Variants in NR0B1 observed in about 807,000 individuals in gnomAD.
NR0B1 encodes the protein DSS-AHC critical region on the X chromosome protein 1.
Under a neutral mutation model 23.0 loss-of-function variants are expected in NR0B1, and 3 were observed. The ratio of observed to expected loss-of-function variants is 0.13; its 90% confidence interval spans 0.06 to 0.34. The LOEUF is 0.34. Among genes scored for constraint, NR0B1 ranks in the 10% least tolerant of loss-of-function variants. The pLI, the probability that NR0B1 is intolerant of heterozygous loss-of-function variation, is 1.00. For synonymous variants in NR0B1, 205 were observed against 184.0 expected (o/e 1.11, Z -0.92); for missense variants, 350 against 402.9 (o/e 0.87, Z 1.12).
At position 30,309,274 on chromosome X, in the gene NR0B1, T is replaced by C. The variant is rs777399647; in HGVS notation, c.90A>G (p.Pro30=). The part of the protein sequence containing the change: ...AKQTRAAPEA[P]ETRLVDQCWG... ...AGCACTGATCCACCAGCCGCGTCTC[T>C]GGAGCCTCAGGAGCCGCGCGCGTTT... Residue 30 remains proline, a synonymous_variant, in exon 1 of 2, where the codon CCA becomes CCG. Coordinates refer to ENST00000378970, the MANE Select transcript of NR0B1 (RefSeq NM_000475.5). 2.7e-5 allele frequency: 31 copies of C among 1,162,835 alleles called. No homozygotes were observed. The highest frequency in any genetic ancestry group is 2.4e-4 in the Middle Eastern group (1 of 4,214).
At position 30,308,326 on chromosome X, in the gene NR0B1, C is replaced by A; in HGVS notation, c.1038G>T (p.Pro346=). 8.3e-7 allele frequency: 1 copy of A among 1,211,251 alleles called. No homozygotes were observed. The highest frequency in any genetic ancestry group is 1.1e-6 in the Non-Finnish European group (1 of 894,951). Residue 346 remains proline, a synonymous_variant, in exon 1 of 2, where the codon CCG becomes CCT. Transcript: ENST00000378970. ...CGGAGGGCACCTTCCTGGCCTCCGCCGGCGGTGCCAAATGGTGCTGCAGCG... is the reference window on the plus strand; with the variant it reads ...CGGAGGGCACCTTCCTGGCCTCCGCAGGCGGTGCCAAATGGTGCTGCAGCG... ...VPTLQHHLAP[P]AEARKVPSAS...
chrX:30,305,419 T>C (rs896393166), intron 1 of NR0B1, among the ~76,000 whole-genome samples: 38 of 112,072 alleles, frequency 3.4e-4, no homozygotes, highest in Admixed American at 8.5e-4. Context: ...CATTGCACCA[T>C]GATTTCTGTA....
chrX:30,306,785 C>G (rs1389550786), intron 1 of NR0B1, among the ~76,000 whole-genome samples: 1 of 111,268 alleles, frequency 9.0e-6, no homozygotes, highest in African/African-American at 3.3e-5. Flanking sequence ...TCCAAATAAT[C>G]TTAAGAATCA....
chrX:30,305,744 C>T, intron 1 of NR0B1: 1 of 435,095 alleles, frequency 2.3e-6, no homozygotes, highest in African/African-American at 2.6e-5. Flanking sequence ...TTTGATCTTC[C>T]ATGATGATAA....
intron 1 of NR0B1, chrX:30,305,919 C>T: frequency 2.7e-6 from 1 of 371,557 alleles, no homozygotes; most frequent in East Asian, 4.5e-5. Context: ...GCAGCAGAAC[C>T]AGTGTTCTTT....
Position 30,308,772 on chromosome X carries a change from G to C in NR0B1, c.592C>G (p.Arg198Gly). ...TGGTCTTCACCGCAAAAGCAGCAGC[G>C]GTACAGAAGCGCCGTGGCCCGCCCG... The part of the protein sequence containing the change: ...PGGRATALLY[R>G]CCFCGEDHPQ... The change falls in exon 1 of 2, where the codon CGC becomes GGC. Residue 198 changes from arginine (R) to glycine (G), a missense_variant. By Grantham distance (125) the Arg-to-Gly change is moderately radical. Around this residue, in one of 2 missense-constraint regions of NR0B1, gnomAD observed 298 missense variants for 314.0 expected, o/e 0.95. Coordinates refer to ENST00000378970, the MANE Select transcript of NR0B1 (RefSeq NM_000475.5). 2.5e-6 allele frequency: 3 copies of C among 1,196,168 alleles called. No individual in the cohort carries two copies. Among genetic ancestry groups the C allele is most frequent in the Non-Finnish European group, 3.4e-6 (3 of 887,988 alleles).
chrX:30,307,674 A>G (rs759480688), intron 1 of NR0B1, among the ~76,000 whole-genome samples: 46 of 111,413 alleles, frequency 4.1e-4, no homozygotes, highest in Non-Finnish European at 6.4e-4. Context: ...ATGAAACACT[A>G]CATCTAGTGT....
At position 30,304,742 on chromosome X, in the gene NR0B1, A is replaced by G; in HGVS notation, c.1250T>C (p.Met417Thr). The change falls in exon 2 of 2, where the codon ATG (methionine) becomes ACG (threonine). Residue 417 changes from methionine to threonine, a missense_variant. By Grantham distance (81) the Met-to-Thr change is moderately conservative. Coordinates refer to ENST00000378970, the MANE Select transcript of NR0B1 (RefSeq NM_000475.5). ...TQQILSEHTR[M>T]THQGPHDRFI... ...TCTGTCATGGGGCCCTTGGTGCGTC[A>G]TCCTGGTGTGTTCACTGAGTATTTG... is the stretch of plus-strand genomic sequence containing the variant. The G allele has an allele frequency of 8.3e-7, 1 of 1,211,589 alleles. No individual in the cohort carries two copies. The highest frequency in any genetic ancestry group is 1.1e-6 in the Non-Finnish European group (1 of 895,221).
In NR0B1 at chrX:30,308,350, C is replaced by A; in HGVS notation, c.1014G>T (p.Thr338=). Residue 338 remains threonine, a synonymous_variant, in exon 1 of 2, where the codon ACG becomes ACT. Transcript: ENST00000378970. ...TGGNEPLPVP[T]LQHHLAPPAE... Reference sequence around the variant, plus strand: ...CCGGCGGTGCCAAATGGTGCTGCAGCGTGGGCACGGGCAGTGGCTCGTTGC... The same window carrying A: ...CCGGCGGTGCCAAATGGTGCTGCAGAGTGGGCACGGGCAGTGGCTCGTTGC... 8.3e-7 allele frequency: 1 copy of A among 1,210,117 alleles called. No homozygotes were observed. Among genetic ancestry groups the A allele is most frequent in the Middle Eastern group, 2.3e-4 (1 of 4,344 alleles).
intron 1 of NR0B1, among the ~76,000 whole-genome samples, chrX:30,306,498 T>C (rs1359355047): frequency 8.9e-6 from 1 of 111,871 alleles, no homozygotes; most frequent in African/African-American, 3.3e-5. Context: ...GGTACATTTG[T>C]GTTTCAAACA....
Position 30,308,633 on chromosome X carries a change from C to G in NR0B1, c.731G>C (p.Arg244Pro), listed in dbSNP as rs1926573554. The change falls in exon 1 of 2, where the codon CGG (arginine) becomes CCG (proline). Residue 244 changes from arginine (R) to proline (P), a missense_variant. By Grantham distance (103) the Arg-to-Pro change is moderately radical. Around this residue, in one of 2 missense-constraint regions of NR0B1, gnomAD observed 298 missense variants for 314.0 expected, o/e 0.95. Coordinates refer to ENST00000378970, the MANE Select transcript of NR0B1 (RefSeq NM_000475.5). ...CTGTGGACTCTTGAGCGCCACCGGC[C>G]GCAGCGCACCAGAGGAGGTGTCCCA... The part of the protein sequence containing the change: ...PWWDTSSGAL[R>P]PVALKSPQVV... The G allele has an allele frequency of 1.7e-6, 2 of 1,205,167 alleles. No individual in the cohort carries two copies. The highest frequency in any genetic ancestry group is 3.5e-5 in the African/African-American group (2 of 57,371).
rs762081914 is a variant in NR0B1 at position 30,309,123 on chromosome X, A to G, written c.241T>C (p.Tyr81His). 1 of 1,196,979 alleles carries G rather than the reference A, an allele frequency of 8.4e-7. No homozygotes were observed. Among genetic ancestry groups the G allele is most frequent in the South Asian group, 1.8e-5 (1 of 55,451 alleles). ...KDHPRQGSIL[Y>H]SMLTSAKQTY... ...TGCTTTGCGCTCGTCAGCATGCTGT[A>G]GAGGATGCTGCCCTGCCGTGGGTGG... Residue 81 changes from tyrosine to histidine, a missense_variant, in exon 1 of 2, where the codon TAC becomes CAC. Physicochemically the swap from Tyr to His is moderately conservative, Grantham distance 83. Transcript: ENST00000378970.
Position 30,309,375 on chromosome X carries a change from C to A in NR0B1, c.-12G>T. On this transcript the variant is annotated 5_prime_UTR_variant, in exon 1 of 2. Coordinates refer to ENST00000378970, the MANE Select transcript of NR0B1 (RefSeq NM_000475.5). The stretch of plus-strand genomic sequence containing the variant: ...TTCTCGCCCGCCATGGCCCGCGGCG[C>A]CCGTAGCCCAGTTCTGCCCAGTGGC... The A allele has an allele frequency of 8.4e-7, 1 of 1,192,363 alleles. No individual in the cohort carries two copies. Among genetic ancestry groups the A allele is most frequent in the Non-Finnish European group, 1.1e-6 (1 of 890,472 alleles).
intron 1 of NR0B1, among the ~76,000 whole-genome samples, chrX:30,307,738 C>CT (rs1926548435): frequency 2.7e-5 from 3 of 111,375 alleles, no homozygotes; most frequent in Admixed American, 1.9e-4. Flanking sequence ...CAAATGTTTC[C>CT]TTTTTTGCTA....
chrX:30,305,801 A>C (rs1295932121), intron 1 of NR0B1: 4 of 471,457 alleles, frequency 8.5e-6, no homozygotes, highest in Non-Finnish European at 1.5e-5. Flanking sequence ...TTAGCAGTTG[A>C]CCACTTGGTT....
chrX:30,308,338 A>G lies in NR0B1; in HGVS notation c.1026T>C (p.His342=). 8.3e-7 allele frequency: 1 copy of G among 1,211,649 alleles called. No individual in the cohort carries two copies. Among genetic ancestry groups the G allele is most frequent in the Non-Finnish European group, 1.1e-6 (1 of 895,273 alleles). ...TCCTGGCCTCCGCCGGCGGTGCCAAATGGTGCTGCAGCGTGGGCACGGGCA... is the reference window on the plus strand; with the variant it reads ...TCCTGGCCTCCGCCGGCGGTGCCAAGTGGTGCTGCAGCGTGGGCACGGGCA... ...EPLPVPTLQH[H]LAPPAEARKV... The change falls in exon 1 of 2, where the codon CAT becomes CAC. Residue 342 remains histidine (H), a synonymous_variant. Transcript: ENST00000378970.
intron 1 of NR0B1, 94 bp downstream of exon 1, chrX:30,308,102 A>C: frequency 1.5e-6 from 1 of 684,835 alleles, no homozygotes; most frequent in Admixed American, 2.3e-5. Context: ...TCTCCTGATC[A>C]CTGAAAACTC....
At chrX:30,306,343 A>G (rs1926517110) in intron 1 of NR0B1, among the ~76,000 whole-genome samples, 2 of 111,491 alleles carry the variant, frequency 1.8e-5, no homozygotes, top group Admixed American at 1.9e-4. Flanking sequence ...GGGAAGAGAA[A>G]ATGCAAATGG....
At chrX:30,305,799 T>G (rs3788891) in intron 1 of NR0B1, 126,845 of 468,223 alleles carry the variant, frequency 0.27, 16,514 homozygotes, top group East Asian at 0.68. Flanking sequence ...AATTAGCAGT[T>G]GACCACTTGG....
Sources: gnomAD v4.1 joint callset for allele counts (sites outside exome capture counted in the v4.1 genomes callset) on GRCh38, gnomAD v4.1.1 for gene constraint, gnomAD v4.1.1 regional missense constraint, MANE v1.5 for transcripts, NCBI Gene and HGNC (gene_info 2026-07-23, HGNC 2026-07-21) for gene names.